ANO9: variants seen among roughly 807,000 people sequenced by gnomAD.
ANO9 encodes the protein anoctamin 9.
A neutral mutation model predicts 100.5 loss-of-function variants in ANO9; 80 were observed. That is an observed-to-expected ratio of 0.80 (90% CI 0.66 to 0.96). The LOEUF (loss-of-function observed/expected upper bound fraction) is 0.96. Among genes scored for constraint, ANO9 ranks in the 40% least tolerant of loss-of-function variants. The pLI is 0.00. For synonymous variants in ANO9, 473 were observed against 435.6 expected, an observed-to-expected ratio of 1.09 and a Z score of -1.07; for missense variants, 1,064 against 1,072.7, an observed-to-expected ratio of 0.99 and a Z score of 0.11.
chr11:434,409 G>A (rs920830550), intron 1 of ANO9, among the ~76,000 whole-genome samples: 1 of 152,216 alleles, frequency 6.6e-6, no homozygotes, highest in Non-Finnish European at 1.5e-5. Context: ...CAGGGGAAGC[G>A]ACGGGAACTC....
intron 1 of ANO9, among the ~76,000 whole-genome samples, chr11:438,864 C>T (rs998982692): frequency 2.0e-5 from 3 of 152,174 alleles, no homozygotes; most frequent in Admixed American, 6.5e-5. Context: ...GCCCCACCTC[C>T]GGGAAACTAT....
intron 1 of ANO9, among the ~76,000 whole-genome samples, chr11:441,614 C>G (rs1485990795): frequency 5.9e-5 from 9 of 152,328 alleles, no homozygotes; most frequent in Admixed American, 5.2e-4. Context: ...GTTCAGGACT[C>G]TGGTAGAGGT....
chr11:436,063 C>CTTTTTTTTTTTTTTTTTTTTTTTTCT (rs10707508), intron 1 of ANO9, among the ~76,000 whole-genome samples: 1 of 99,282 alleles, frequency 1.0e-5, no homozygotes, highest in Non-Finnish European at 1.9e-5. Context: ...CTTTTCTTTC[C>CTTTTTTTTTTTTTTTTTTTTTTTTCT]TTTTTTTTTT....
At chr11:441,072 G>A (rs764765308) in intron 1 of ANO9, among the ~76,000 whole-genome samples, 5 of 152,208 alleles carry the variant, frequency 3.3e-5, no homozygotes, top group Non-Finnish European at 7.3e-5. Flanking sequence ...GCTGGGCTGA[G>A]CAGCCAGGGT....
Position 420,814 on chromosome 11 carries a change from G to C in ANO9, c.1537C>G (p.His513Asp), listed in dbSNP as rs1463665120. 1.3e-6 allele frequency: 2 copies of C among 1,592,790 alleles called. No individual in the cohort carries two copies. Among genetic ancestry groups the C allele is most frequent in the African/African-American group, 2.7e-5 (2 of 74,682 alleles). ...CRSLRASESGHLPRDPELRDW... is the reference protein window; with the variant it reads ...CRSLRASESGDLPRDPELRDW... The stretch of plus-strand genomic sequence containing the variant: ...CTGAGCTCGGGGTCCCGGGGCAGGT[G>C]CCCGGACTCGGAGGCCCGCAGAGAG... Residue 513 changes from histidine to aspartate, a missense_variant, in exon 18 of 23, where the codon CAC (histidine) becomes GAC (aspartate). By Grantham distance (81) the His-to-Asp change is moderately conservative. Transcript: ENST00000332826.
intron 15 of ANO9, among the ~76,000 whole-genome samples, chr11:424,254 A>T (rs1848365729): frequency 6.6e-6 from 1 of 152,370 alleles, no homozygotes; most frequent in Admixed American, 6.5e-5. Flanking sequence ...CCATAAAGGA[A>T]TACTGTCAAA....
chr11:440,970 C>G (rs959385087), intron 1 of ANO9, among the ~76,000 whole-genome samples: 2 of 152,250 alleles, frequency 1.3e-5, no homozygotes, highest in Non-Finnish European at 2.9e-5. Context: ...CAACCCAACC[C>G]CTGGCCAGCC....
rs768314242 is a variant in ANO9 at position 431,981 on chromosome 11, C to A, written c.406+18G>T. ...CCTGCCCGCAGCGCCCCTGTCAGTG[C>A]CCCACCCCTGCCCTTACCACCAGCC... is the stretch of plus-strand genomic sequence containing the variant. On this transcript the variant is annotated intron_variant, in intron 5 of 22. Coordinates refer to ENST00000332826, the MANE Select transcript of ANO9 (RefSeq NM_001012302.3). 6.2e-7 allele frequency: 1 copy of A among 1,612,770 alleles called. No individual in the cohort carries two copies. The highest frequency in any genetic ancestry group is 1.3e-5 in the African/African-American group (1 of 74,850).
At position 429,657 on chromosome 11, in the gene ANO9, G is replaced by A. The variant is rs546361948; in HGVS notation, c.833-5C>T. 2.7e-5 allele frequency: 44 copies of A among 1,612,624 alleles called. No individual in the cohort carries two copies. In the African/African-American group the frequency reaches 3.5e-4, roughly 13 times the overall value. ...AGATCTCCAGGAACACCGTGGCTGCGGCGGGGGCAAGGAGGGGCATCACTG... is the reference window on the plus strand; with the variant it reads ...AGATCTCCAGGAACACCGTGGCTGCAGCGGGGGCAAGGAGGGGCATCACTG... On this transcript the variant is annotated splice_region_variant and splice_polypyrimidine_tract_variant and intron_variant, in intron 10 of 22. Coordinates refer to ENST00000332826, the MANE Select transcript of ANO9 (RefSeq NM_001012302.3).
chr11:440,551 C>T (rs1845778545), intron 1 of ANO9: 2 of 152,512 alleles, frequency 1.3e-5, no homozygotes, highest in Non-Finnish European at 2.9e-5. Context: ...TGGTGGTCCC[C>T]TGCTCCTGGG....
chr11:425,032 A>C (rs1239107833), intron 15 of ANO9, among the ~76,000 whole-genome samples: 3 of 130,102 alleles, frequency 2.3e-5, no homozygotes, highest in Non-Finnish European at 3.3e-5. Flanking sequence ...CGGCGTGGAG[A>C]GACGGGACGC....
Position 418,878 on chromosome 11 carries a change from A to T in ANO9, c.2036+10T>A, listed in dbSNP as rs771565337. ...CAGAGGGCATTCTTGGGGGATGGGG[A>T]GTTCCAAACCTGCACAGAGTCACGT... is the stretch of plus-strand genomic sequence containing the variant. On this transcript the variant is annotated intron_variant, in intron 21 of 22. Transcript: ENST00000332826. 3.1e-6 allele frequency: 5 copies of T among 1,613,550 alleles called. No individual in the cohort carries two copies. The South Asian group carries it at 5.5e-5, about 18-fold the overall frequency.
At position 430,352 on chromosome 11, in the gene ANO9, G is replaced by A; in HGVS notation, c.591C>T (p.Tyr197=). 1 of 1,609,116 alleles carries A rather than the reference G, an allele frequency of 6.2e-7. No individual in the cohort carries two copies. The change falls in exon 8 of 23, where the codon TAC becomes TAT. Residue 197 remains tyrosine (Y), a synonymous_variant. Coordinates refer to ENST00000332826, the MANE Select transcript of ANO9 (RefSeq NM_001012302.3). Reference sequence around the variant, plus strand: ...GGGCGGCCGGCACCAGCATGTAGGTGTACCAGCCCAGCCAGACGAAGTACA... The same window carrying A: ...GGGCGGCCGGCACCAGCATGTAGGTATACCAGCCCAGCCAGACGAAGTACA... ...VALYFVWLGW[Y]TYMLVPAALT...
chr11:433,251 C>G lies in ANO9; in HGVS notation c.350+63G>C, dbSNP rs933046511. 21 of 1,579,152 alleles carry G rather than the reference C, an allele frequency of 1.3e-5. No homozygotes were observed. In the African/African-American group the frequency reaches 2.9e-4, roughly 22 times the overall value. On this transcript the variant is annotated intron_variant, in intron 4 of 22. Transcript: ENST00000332826. ...AGCCTGGCACTGTCTCCTGCCCGGT[C>G]TGGACCAATCACACAGGTGGCAAGG... is the stretch of plus-strand genomic sequence containing the variant.
At position 432,394 on chromosome 11, in the gene ANO9, C is replaced by G; in HGVS notation, c.351-340G>C. 2 of 391,914 alleles carry G rather than the reference C, an allele frequency of 5.1e-6. No individual in the cohort carries two copies. Among genetic ancestry groups the G allele is most frequent in the Non-Finnish European group, 9.5e-6 (2 of 210,146 alleles). The allele number at this position is 391,914 out of a possible 1,614,324, so 24.3% of individuals were successfully genotyped here. ...CGGGCCCCATGTGTCCAGAGCACACCCCAGCCTGCATCCGCACACACCCTC... is the reference window on the plus strand; with the variant it reads ...CGGGCCCCATGTGTCCAGAGCACACGCCAGCCTGCATCCGCACACACCCTC... On this transcript the variant is annotated intron_variant, in intron 4 of 22. Coordinates refer to ENST00000332826, the MANE Select transcript of ANO9 (RefSeq NM_001012302.3). The surrounding 1 kb of genome is among the most constrained non-coding windows in gnomAD (Gnocchi z 4.8).
intron 19 of ANO9, 126 bp downstream of exon 19, chr11:420,337 C>A (rs1415562394): frequency 6.7e-7 from 1 of 1,488,060 alleles, no homozygotes; most frequent in East Asian, 2.5e-5. Context: ...CGGAGAAGGG[C>A]TGGGGGCTGT....
intron 1 of ANO9, among the ~76,000 whole-genome samples, chr11:437,615 G>A (rs1004363744): frequency 2.0e-5 from 3 of 152,130 alleles, no homozygotes; most frequent in Non-Finnish European, 2.9e-5. Flanking sequence ...TTCATCCTCC[G>A]ACAGATATGC....
Position 421,341 on chromosome 11 carries a change from C to G in ANO9, c.1335-143G>C, listed in dbSNP as rs962642967. On this transcript the variant is annotated intron_variant, in intron 15 of 22. Coordinates refer to ENST00000332826, the MANE Select transcript of ANO9 (RefSeq NM_001012302.3). The surrounding 1 kb of genome is among the most constrained non-coding windows in gnomAD (Gnocchi z 6.8). The stretch of plus-strand genomic sequence containing the variant: ...GTGAGCGGGGCACAGGTGCTCACAC[C>G]CAGATGAACCGCACCCGCACGTGGG... 2.6e-6 allele frequency: 2 copies of G among 776,144 alleles called. No individual in the cohort carries two copies. Among genetic ancestry groups the G allele is most frequent in the Non-Finnish European group, 3.9e-6 (2 of 513,756 alleles). 48.1% of individuals were successfully genotyped at this position (776,144 alleles called of 1,614,324 possible).
At chr11:419,984 C>T in intron 19 of ANO9, 3 of 1,392,528 alleles carry the variant, frequency 2.2e-6, no homozygotes, top group Non-Finnish European at 2.8e-6. Context: ...AACTTCTCAG[C>T]TGTGCCCCCC....
Sources: allele counts gnomAD v4.1 joint callset (sites outside exome capture counted in the v4.1 genomes callset), GRCh38; gene constraint gnomAD v4.1.1; non-coding constraint Gnocchi (gnomAD v3.1); transcripts MANE v1.5; gene names NCBI Gene and HGNC (gene_info 2026-07-23, HGNC 2026-07-21).